HERPUD2: variants seen among roughly 807,000 people sequenced by gnomAD.
The protein encoded by HERPUD2 is homocysteine-responsive endoplasmic reticulum-resident ubiquitin-like domain member 2 protein.
A neutral mutation model predicts 49.9 loss-of-function variants in HERPUD2; 13 were observed. The ratio of observed to expected loss-of-function variants is 0.26; its 90% CI spans 0.17 to 0.41. HERPUD2 has a LOEUF of 0.41. Ranked by LOEUF, HERPUD2 falls within the 10% of genes least tolerant of loss-of-function variation. The pLI, the probability that HERPUD2 is intolerant of heterozygous loss-of-function variation, is 1.00. For synonymous variants in HERPUD2, 172 were observed against 171.4 expected (o/e 1.00, Z -0.03); for missense variants, 449 against 492.2 (o/e 0.91, Z 0.83).
chr7:35,651,990 A>G (rs1156885232), intron 5 of HERPUD2, among the ~76,000 whole-genome samples: 3 of 152,166 alleles, frequency 2.0e-5, no homozygotes, highest in African/African-American at 7.2e-5. Flanking sequence ...GGTGACCATC[A>G]AACAGGTCAT....
At chr7:35,653,797 T>C (rs1403110529) in intron 5 of HERPUD2, among the ~76,000 whole-genome samples, 1 of 151,768 alleles carries the variant, frequency 6.6e-6, no homozygotes, top group South Asian at 2.1e-4. Flanking sequence ...TTAAACAACA[T>C]GCTCCTAAAT....
At chr7:35,679,306 G>GT (rs1164300652) in intron 2 of HERPUD2, among the ~76,000 whole-genome samples, 1 of 152,160 alleles carries the variant, frequency 6.6e-6, no homozygotes, top group African/African-American at 2.4e-5. Context: ...AGCACATATT[G>GT]TATTTAACCC....
chr7:35,684,661 G>T (rs577698718), intron 2 of HERPUD2, among the ~76,000 whole-genome samples: 1 of 152,244 alleles, frequency 6.6e-6, no homozygotes, highest in South Asian at 2.1e-4. Flanking sequence ...ACCAAACATT[G>T]TATGTTCTCA....
At chr7:35,671,225 C>T (rs138053383) in intron 3 of HERPUD2, among the ~76,000 whole-genome samples, 1 of 152,180 alleles carries the variant, frequency 6.6e-6, no homozygotes, top group East Asian at 1.9e-4. Flanking sequence ...GTACAACAGG[C>T]CCTTCCTTAA....
chr7:35,654,947 T>C (rs1345395552), intron 5 of HERPUD2, among the ~76,000 whole-genome samples: 3 of 152,170 alleles, frequency 2.0e-5, no homozygotes, highest in Non-Finnish European at 4.4e-5. Context: ...ATCCACCTCC[T>C]GGGTTCAAGC....
At chr7:35,635,658 A>G (rs1784860228) in intron 6 of HERPUD2, among the ~76,000 whole-genome samples, 200 bp from the exon 7 acceptor site, 1 of 152,174 alleles carries the variant, frequency 6.6e-6, no homozygotes, top group Non-Finnish European at 1.5e-5. Context: ...CGCACAGGAA[A>G]GGATGTTCTC....
At chr7:35,679,092 C>T (rs1390263308) in intron 2 of HERPUD2, among the ~76,000 whole-genome samples, 3 of 152,026 alleles carry the variant, frequency 2.0e-5, no homozygotes, top group Non-Finnish European at 2.9e-5. Context: ...GAAAACTTTG[C>T]AATGCAATAC....
intron 4 of HERPUD2, 65 bp downstream of exon 4, chr7:35,670,149 CA>C: frequency 1.4e-6 from 1 of 723,622 alleles, no homozygotes. Flanking sequence ...TTTTTAGAGG[CA>C]AAAAATAAGA....
At chr7:35,661,741 C>T (rs969855723) in intron 5 of HERPUD2, among the ~76,000 whole-genome samples, 1 of 152,162 alleles carries the variant, frequency 6.6e-6, no homozygotes, top group African/African-American at 2.4e-5. Context: ...TGAGACTTTG[C>T]TGAAGTTGCT....
chr7:35,676,391 T>C (rs2115993770), intron 2 of HERPUD2, among the ~76,000 whole-genome samples: 1 of 152,310 alleles, frequency 6.6e-6, no homozygotes, highest in African/African-American at 2.4e-5. Context: ...GAACCTCAAA[T>C]TGCACATTTT....
At chr7:35,650,995 G>A (rs1451872897) in intron 5 of HERPUD2, among the ~76,000 whole-genome samples, 2 of 152,126 alleles carry the variant, frequency 1.3e-5, no homozygotes, top group Non-Finnish European at 2.9e-5. Context: ...GTTGGCACCT[G>A]AGTACTCCTC....
At chr7:35,684,801 T>C (rs571978511) in intron 2 of HERPUD2, among the ~76,000 whole-genome samples, 5 of 152,308 alleles carry the variant, frequency 3.3e-5, no homozygotes, top group African/African-American at 1.2e-4. Flanking sequence ...CAGTGTATAC[T>C]GCCCGGGTGA....
chr7:35,652,703 G>A (rs771704765), intron 5 of HERPUD2, among the ~76,000 whole-genome samples: 3 of 151,478 alleles, frequency 2.0e-5, no homozygotes, highest in Non-Finnish European at 4.4e-5. Context: ...GGGAGGGGAA[G>A]GGAAGGGAGA....
At chr7:35,681,815 A>G (rs1475261710) in intron 2 of HERPUD2, among the ~76,000 whole-genome samples, 1 of 152,180 alleles carries the variant, frequency 6.6e-6, no homozygotes, top group Non-Finnish European at 1.5e-5. Flanking sequence ...AAAAAGAAAC[A>G]GAAAGTAGAT....
chr7:35,689,831 G>T (rs1786141709), intron 2 of HERPUD2, among the ~76,000 whole-genome samples: 1 of 152,140 alleles, frequency 6.6e-6, no homozygotes, highest in Non-Finnish European at 1.5e-5. Context: ...CTGAAAAATG[G>T]AGAGCCAAGC....
intron 3 of HERPUD2, among the ~76,000 whole-genome samples, chr7:35,671,928 G>A (rs1182080526): frequency 6.6e-6 from 1 of 151,712 alleles, no homozygotes; most frequent in Non-Finnish European, 1.5e-5. Context: ...TTTTATTTCT[G>A]AGCACCAGCA....
chr7:35,645,968 A>G (rs1020023919), intron 5 of HERPUD2, among the ~76,000 whole-genome samples: 4 of 152,208 alleles, frequency 2.6e-5, no homozygotes, highest in African/African-American at 9.6e-5. Flanking sequence ...CTTAGAAAAT[A>G]ATTTTAAAAA....
At chr7:35,683,062 A>G (rs1213883982) in intron 2 of HERPUD2, among the ~76,000 whole-genome samples, 3 of 151,872 alleles carry the variant, frequency 2.0e-5, no homozygotes, top group African/African-American at 7.3e-5. Flanking sequence ...ACAGATGTAG[A>G]AAAAAAAATT....
chr7:35,694,412 G>C lies in HERPUD2; in HGVS notation c.-82C>G, dbSNP rs1786269176. The C allele has an allele frequency of 2.1e-6, 3 of 1,428,490 alleles. No homozygotes were observed. The highest frequency in any genetic ancestry group is 3.0e-6 in the Non-Finnish European group (3 of 1,015,294). The allele number at this position is 1,428,490 out of a possible 1,614,324, so 88.5% of individuals were successfully genotyped here. A position where few individuals can be genotyped will look rare whatever the true frequency, so the allele number is the denominator to read the frequency against. On this transcript the variant is annotated 5_prime_UTR_variant, in exon 2 of 9. Transcript: ENST00000311350. Reference sequence around the variant, plus strand: ...GAGATGGTCACCGCCGGCGCGACTGGGATGAGGACAGAAGTGAGTTCTTAG... The same window carrying C: ...GAGATGGTCACCGCCGGCGCGACTGCGATGAGGACAGAAGTGAGTTCTTAG...
Sources: gnomAD v4.1 joint callset for allele counts (sites outside exome capture counted in the v4.1 genomes callset) on GRCh38, gnomAD v4.1.1 for gene constraint, MANE v1.5 for transcripts, NCBI Gene and HGNC (gene_info 2026-07-23, HGNC 2026-07-21) for gene names.